NUBPL: variants seen among roughly 807,000 people sequenced by gnomAD.
The protein encoded by NUBPL is iron-sulfur cluster transfer protein NUBPL.
Under a neutral mutation model 45.7 loss-of-function variants are expected in NUBPL, and 31 were observed. The observed-to-expected ratio is 0.68, with a 90% confidence interval of 0.51 to 0.92. The LOEUF is 0.92. Ranked by LOEUF, NUBPL falls within the 40% of genes least tolerant of loss-of-function variation. NUBPL has a pLI of 0.00. For missense variants in NUBPL, 401 were observed against 398.7 expected (o/e 1.01, Z -0.05); for synonymous variants, 144 against 140.9 (o/e 1.02, Z -0.15).
chr14:31,724,960 A>G lies in NUBPL; in HGVS notation c.513+51386A>G, dbSNP rs555617355. On this transcript the variant is annotated intron_variant, in intron 6 of 10. Transcript: ENST00000281081. ...ATCCAGGTATTTGGAGGAAGAACAT[A>G]CAAAATGAAGGGAACAAGTGCACAA... Among the ~76,000 whole-genome samples the G allele has an allele frequency of 3.9e-5, 6 of 152,212 alleles. No homozygotes were observed. The East Asian group carries it at 1.2e-3, about 29-fold the overall frequency.
At chr14:31,806,627 TTTC>T (rs148117431) in intron 7 of NUBPL, among the ~76,000 whole-genome samples, 283 of 152,296 alleles carry the variant, frequency 1.9e-3, no homozygotes, top group African/African-American at 6.7e-3. Context: ...TTGAAGGATT[TTTC>T]TTATTATACT....
chr14:31,806,781 A>G (rs10047914), intron 7 of NUBPL, among the ~76,000 whole-genome samples: 150,565 of 152,212 alleles, frequency 0.99, 74,490 homozygotes, highest in Middle Eastern at 1. Flanking sequence ...ATCCCCCCAC[A>G]CCACGACAGG....
At chr14:31,801,666 T>G (rs879677899) in intron 7 of NUBPL, among the ~76,000 whole-genome samples, 2 of 152,112 alleles carry the variant, frequency 1.3e-5, no homozygotes, top group Non-Finnish European at 2.9e-5. Context: ...GATAGGTTAG[T>G]TAGAAAAAAG....
intron 4 of NUBPL, among the ~76,000 whole-genome samples, chr14:31,670,925 T>C (rs1410113165): frequency 3.3e-5 from 5 of 152,216 alleles, no homozygotes; most frequent in African/African-American, 1.2e-4. Context: ...AGCTTTGTTT[T>C]TCTTGCTTTG....
chr14:31,740,108 C>T (rs2038251402), intron 6 of NUBPL, among the ~76,000 whole-genome samples: 1 of 152,176 alleles, frequency 6.6e-6, no homozygotes, highest in African/African-American at 2.4e-5. Flanking sequence ...ATAAAGTTGC[C>T]ATAAACATTT....
At chr14:31,810,911 A>AT (rs2039791026) in intron 7 of NUBPL, among the ~76,000 whole-genome samples, 1 of 152,192 alleles carries the variant, frequency 6.6e-6, no homozygotes, top group Non-Finnish European at 1.5e-5. Context: ...TTCTGGGTTG[A>AT]AAATTCTTTT....
At position 31,800,373 on chromosome 14, in the gene NUBPL, T is replaced by C. The variant is rs1322289994; in HGVS notation, c.607+12500T>C. 2.0e-5 allele frequency among the ~76,000 whole-genome samples: 3 copies of C among 152,330 alleles called. No homozygotes were observed. In the Middle Eastern group the frequency reaches 0.01, roughly 518 times the overall value. ...CGATTAGGATTGCCATCCTATTATA[T>C]GGGTGTGGTTTGTGGCACCCCACAA... On this transcript the variant is annotated intron_variant, in intron 7 of 10. Coordinates refer to ENST00000281081, the MANE Select transcript of NUBPL (RefSeq NM_025152.3).
intron 6 of NUBPL, among the ~76,000 whole-genome samples, chr14:31,766,568 T>C (rs923608147): frequency 3.9e-5 from 6 of 152,194 alleles, no homozygotes. Context: ...AGCCCCATTA[T>C]AGTAATACCC....
In NUBPL at chr14:31,787,888, T is replaced by G; in HGVS notation, c.607+15T>G. 6.5e-7 allele frequency: 1 copy of G among 1,546,882 alleles called. No homozygotes were observed. Among genetic ancestry groups the G allele is most frequent in the Non-Finnish European group, 8.9e-7 (1 of 1,119,352 alleles). ...TCCTATAACAGGTAAATCTTCAAAGTTTAAAGTAATTTGTACTTTTTTTGA... is the reference window on the plus strand; with the variant it reads ...TCCTATAACAGGTAAATCTTCAAAGGTTAAAGTAATTTGTACTTTTTTTGA... On this transcript the variant is annotated intron_variant, in intron 7 of 10. Coordinates refer to ENST00000281081, the MANE Select transcript of NUBPL (RefSeq NM_025152.3).
chr14:31,843,131 G>A (rs770489124), intron 8 of NUBPL, among the ~76,000 whole-genome samples: 8 of 152,182 alleles, frequency 5.3e-5, no homozygotes, highest in Admixed American at 6.5e-5. Context: ...CACCCAGACT[G>A]ATACAGCAGC....
At chr14:31,615,982 C>T (rs1485401207) in intron 4 of NUBPL, among the ~76,000 whole-genome samples, 18 of 152,188 alleles carry the variant, frequency 1.2e-4, no homozygotes, top group Admixed American at 1.2e-3. Flanking sequence ...TAAATGATCG[C>T]CATTCTAACT....
Position 31,822,794 on chromosome 14 carries a change from A to G in NUBPL, c.608-3835A>G, listed in dbSNP as rs557189655. Among the ~76,000 whole-genome samples the G allele has an allele frequency of 2.0e-5, 3 of 152,280 alleles. 1 individual carries two copies. Among genetic ancestry groups the G allele is most frequent in the Admixed American group, 2.0e-4 (3 of 15,290 alleles). On this transcript the variant is annotated intron_variant, in intron 7 of 10. Transcript: ENST00000281081. ...AGCATTTGACAGGACATGGAAGATG[A>G]TCATTGTCCTTGTCAAATGTTGTTA...
intron 4 of NUBPL, among the ~76,000 whole-genome samples, chr14:31,657,598 G>A (rs1182468133): frequency 6.6e-6 from 1 of 152,122 alleles, no homozygotes; most frequent in East Asian, 1.9e-4. Flanking sequence ...ACAGGTTAAA[G>A]CCTTAAACAG....
At chr14:31,757,379 G>T (rs932711697) in intron 6 of NUBPL, among the ~76,000 whole-genome samples, 3 of 151,540 alleles carry the variant, frequency 2.0e-5, no homozygotes, top group Non-Finnish European at 2.9e-5. Context: ...CAATTTCAGA[G>T]CCTGTTATTG....
At chr14:31,616,030 T>A (rs896277157) in intron 4 of NUBPL, among the ~76,000 whole-genome samples, 3 of 152,240 alleles carry the variant, frequency 2.0e-5, no homozygotes, top group Non-Finnish European at 4.4e-5. Flanking sequence ...TTGATTTGCT[T>A]TTCTCTAATG....
At chr14:31,692,732 C>T (rs2037120911) in intron 6 of NUBPL, among the ~76,000 whole-genome samples, 1 of 152,194 alleles carries the variant, frequency 6.6e-6, no homozygotes. Flanking sequence ...ATATTCTCAG[C>T]TTTTGGTTTC....
At chr14:31,733,891 A>C (rs979172478) in intron 6 of NUBPL, among the ~76,000 whole-genome samples, 1 of 152,208 alleles carries the variant, frequency 6.6e-6, no homozygotes, top group Non-Finnish European at 1.5e-5. Flanking sequence ...TAAGTAAATA[A>C]TGTTAGCTGT....
At chr14:31,831,518 T>TACCATACCATACCATACCATACCATACC (rs1555342410) in intron 8 of NUBPL, among the ~76,000 whole-genome samples, 1 of 60,672 alleles carries the variant, frequency 1.6e-5, no homozygotes, top group Admixed American at 1.9e-4. Flanking sequence ...CATACCATAC[T>TACCATACCATACCATACCATACCATACC]ATACTCATAC....
intron 7 of NUBPL, among the ~76,000 whole-genome samples, chr14:31,813,984 G>A (rs2039866424): frequency 6.6e-6 from 1 of 152,188 alleles, no homozygotes; most frequent in African/African-American, 2.4e-5. Flanking sequence ...GAACAGTGCT[G>A]CAATAAGCAT....
Sources: gnomAD v4.1 joint callset for allele counts (sites outside exome capture counted in the v4.1 genomes callset) on GRCh38, gnomAD v4.1.1 for gene constraint, MANE v1.5 for transcripts, NCBI Gene and HGNC (gene_info 2026-07-23, HGNC 2026-07-21) for gene names.